Variants in TMOD2 observed in about 807,000 individuals in gnomAD.
TMOD2 encodes tropomodulin-2.
A neutral mutation model predicts 39.9 loss-of-function variants in TMOD2; 22 were observed. The ratio of observed to expected loss-of-function variants is 0.55; its 90% CI spans 0.39 to 0.79. The LOEUF (loss-of-function observed/expected upper bound fraction) is 0.79. TMOD2 is among the 30% of genes least tolerant of loss of function. The pLI, the probability that TMOD2 is intolerant of heterozygous loss-of-function variation, is 0.00. For synonymous variants in TMOD2, 123 were observed against 146.1 expected (o/e 0.84, Z 1.14); for missense variants, 386 against 413.3 (o/e 0.93, Z 0.57).
At chr15:51,798,725 C>A (rs946284087) in intron 8 of TMOD2, among the ~76,000 whole-genome samples, 8 of 152,222 alleles carry the variant, frequency 5.3e-5, no homozygotes, top group African/African-American at 1.9e-4. Flanking sequence ...CTCACTGGGA[C>A]TGTTGCTAAC....
At chr15:51,773,965 C>A in intron 4 of TMOD2, 131 bp downstream of exon 4, 1 of 1,047,866 alleles carries the variant, frequency 9.5e-7, no homozygotes, top group Non-Finnish European at 1.4e-6. Flanking sequence ...CATTATGGAG[C>A]TGTAAGTCTT....
chr15:51,780,480 A>G (rs1395821076), intron 5 of TMOD2, among the ~76,000 whole-genome samples: 1 of 152,158 alleles, frequency 6.6e-6, no homozygotes, highest in Non-Finnish European at 1.5e-5. Flanking sequence ...GATTTGTAGG[A>G]GCTCTGTGTA....
chr15:51,769,451 G>A (rs1433224533), intron 3 of TMOD2, among the ~76,000 whole-genome samples: 1 of 152,188 alleles, frequency 6.6e-6, no homozygotes, highest in Non-Finnish European at 1.5e-5. Flanking sequence ...AGAACCACAG[G>A]CAAATAAGAC....
rs529835826 is a variant in TMOD2 at position 51,812,536 on chromosome 15, C to T, written c.*4082C>T. ...CCCCTCCTAGGCACTACGAAGAAGA[C>T]AGAGGAAGCATAAAAATTCTGGACT... On this transcript the variant is annotated 3_prime_UTR_variant, in exon 10 of 10. Coordinates refer to ENST00000249700, the MANE Select transcript of TMOD2 (RefSeq NM_014548.4). 5 of 152,266 alleles carry T rather than the reference C, an allele frequency of 3.3e-5. No individual in the cohort carries two copies. In the South Asian group the frequency reaches 1.0e-3, roughly 32 times the overall value. The allele number at this position is 152,266 out of a possible 1,614,324, so 9.4% of individuals were successfully genotyped here. A position where few individuals can be genotyped will look rare whatever the true frequency, so the allele number is the denominator to read the frequency against.
At chr15:51,808,324 G>A (rs144108981) in intron 9 of TMOD2, 96 bp from the exon 10 acceptor site, 11 of 921,294 alleles carry the variant, frequency 1.2e-5, no homozygotes, top group East Asian at 2.5e-5. Flanking sequence ...ATCCTCAAGT[G>A]TGTGAGATTG....
At chr15:51,791,963 A>G (rs1021899763) in intron 7 of TMOD2, among the ~76,000 whole-genome samples, 14 of 152,228 alleles carry the variant, frequency 9.2e-5, no homozygotes, top group Non-Finnish European at 1.8e-4. Flanking sequence ...CTTCATATCT[A>G]AAACACCAAA....
rs2056065789 is a variant in TMOD2, at chr15:51,798,288, T to C, written c.824T>C (p.Val275Ala). 6.2e-7 allele frequency: 1 copy of C among 1,613,868 alleles called. No homozygotes were observed. The highest frequency in any genetic ancestry group is 1.3e-5 in the African/African-American group (1 of 74,910). The change falls in exon 8 of 10, where the codon GTA becomes GCA. Residue 275 changes from valine to alanine, a missense_variant. Physicochemically the swap from Val to Ala is moderately conservative, Grantham distance 64. Coordinates refer to ENST00000249700, the MANE Select transcript of TMOD2 (RefSeq NM_014548.4). Reference protein sequence around the residue: ...FITGTGILALVEALKENDTLT... With the variant: ...FITGTGILALAEALKENDTLT... ...ACTGGAACTGGGATCCTGGCCCTGG[T>C]AGAGGCACTGAAAGAAAATGACACC...
intron 1 of TMOD2, among the ~76,000 whole-genome samples, chr15:51,757,565 C>T (rs1175341628): frequency 1.3e-5 from 2 of 152,198 alleles, no homozygotes; most frequent in Non-Finnish European, 2.9e-5. Flanking sequence ...TACTTGCCCA[C>T]CAGGACTCCT....
rs1003365726 is a variant in TMOD2 at position 51,779,495 on chromosome 15, C to T, written c.494-1549C>T. ...TCCCGGGTTCATGCCATTCTTCTGC[C>T]TCAGCCTCCCCAGCAGCTGGGACTA... is the stretch of plus-strand genomic sequence containing the variant. On this transcript the variant is annotated intron_variant, in intron 5 of 9. Transcript: ENST00000249700. Among the ~76,000 whole-genome samples, 11 of 152,052 alleles carry T rather than the reference C, an allele frequency of 7.2e-5. 1 individual carries two copies. The highest frequency in any genetic ancestry group is 2.7e-4 in the African/African-American group (11 of 41,466).
chr15:51,777,859 A>G (rs1192677440), intron 5 of TMOD2, among the ~76,000 whole-genome samples: 8 of 152,218 alleles, frequency 5.3e-5, no homozygotes, highest in Non-Finnish European at 1.0e-4. Context: ...GAGGATGTGG[A>G]GAAATAGGAA....
chr15:51,773,840 T>C lies in TMOD2; in HGVS notation c.406+6T>C, dbSNP rs755616055. 4.4e-6 allele frequency: 7 copies of C among 1,597,162 alleles called. No homozygotes were observed. The South Asian group carries it at 6.8e-5, about 16-fold the overall frequency. On this transcript the variant is annotated splice_donor_region_variant and intron_variant, in intron 4 of 9. Transcript: ENST00000249700. ...CGAACTCTATGATCTTGCAGGTTAG[T>C]CCTGAACTCTGGGAACTTTCCTGTC...
intron 1 of TMOD2, among the ~76,000 whole-genome samples, chr15:51,752,212 G>GT (rs2055710171): frequency 6.6e-6 from 1 of 152,122 alleles, no homozygotes. Context: ...CTCGCAGGGC[G>GT]TTTCAGCCTC....
At chr15:51,801,283 A>ACC (rs1555463074) in intron 8 of TMOD2, among the ~76,000 whole-genome samples, 16 of 125,952 alleles carry the variant, frequency 1.3e-4, no homozygotes, top group South Asian at 2.5e-4. Flanking sequence ...ACACACACAC[A>ACC]CCCTGTCTCT....
At chr15:51,761,193 G>A (rs142740227) in intron 1 of TMOD2, among the ~76,000 whole-genome samples, 215 of 152,290 alleles carry the variant, frequency 1.4e-3, no homozygotes, top group African/African-American at 5.0e-3. Context: ...TGCAATCAGA[G>A]TAGTGCAGGT....
At chr15:51,807,891 A>G (rs1348596423) in intron 9 of TMOD2, among the ~76,000 whole-genome samples, 1 of 152,220 alleles carries the variant, frequency 6.6e-6, no homozygotes, top group African/African-American at 2.4e-5. Flanking sequence ...TCTAAACATC[A>G]GGTTAAAAGA....
intron 3 of TMOD2, among the ~76,000 whole-genome samples, chr15:51,773,447 G>A (rs2055866821): frequency 6.6e-6 from 1 of 152,214 alleles, no homozygotes; most frequent in African/African-American, 2.4e-5. Flanking sequence ...AAGAGGGGTA[G>A]AAGCCACCAT....
rs201855036 is a variant in TMOD2 at position 51,777,729 on chromosome 15, T to C, written c.493+711T>C. Among the ~76,000 whole-genome samples, 8 of 152,294 alleles carry C rather than the reference T, an allele frequency of 5.3e-5. No individual in the cohort carries two copies. In the East Asian group the frequency reaches 1.5e-3, roughly 29 times the overall value. The stretch of plus-strand genomic sequence containing the variant: ...TTTAGACCAATATCCTTGATGAACA[T>C]TGATGCAAAAATCCTCAATAAAATA... On this transcript the variant is annotated intron_variant, in intron 5 of 9. Transcript: ENST00000249700.
chr15:51,782,380 T>C (rs1361073160), intron 6 of TMOD2, among the ~76,000 whole-genome samples: 1 of 152,158 alleles, frequency 6.6e-6, no homozygotes, highest in South Asian at 2.1e-4. Context: ...GAGAACGACT[T>C]TGGTATATTA....
Position 51,814,255 on chromosome 15 carries a change from G to A in TMOD2, c.*5801G>A, listed in dbSNP as rs2056175163. 1 of 152,278 alleles carries A rather than the reference G, an allele frequency of 6.6e-6. No homozygotes were observed. The highest frequency in any genetic ancestry group is 2.4e-5 in the African/African-American group (1 of 41,454). 9.4% of individuals were successfully genotyped at this position (152,278 alleles called of 1,614,324 possible). On this transcript the variant is annotated 3_prime_UTR_variant, in exon 10 of 10. Coordinates refer to ENST00000249700, the MANE Select transcript of TMOD2 (RefSeq NM_014548.4). Reference sequence around the variant, plus strand: ...GTTTGACTGGAGGCCTAGGAGAGAAGAGTGTCCTTAGGGTTTCAAGAATTT... The same window carrying A: ...GTTTGACTGGAGGCCTAGGAGAGAAAAGTGTCCTTAGGGTTTCAAGAATTT...
Sources: gnomAD v4.1 joint callset for allele counts (sites outside exome capture counted in the v4.1 genomes callset) on GRCh38, gnomAD v4.1.1 for gene constraint, MANE v1.5 for transcripts, NCBI Gene and HGNC (gene_info 2026-07-23, HGNC 2026-07-21) for gene names.